Variants in GNAI3 observed in about 807,000 individuals in gnomAD.
GNAI3 encodes the protein guanine nucleotide-binding protein G(i) subunit alpha-3.
A neutral mutation model predicts 41.8 loss-of-function variants in GNAI3; 12 were observed. The observed-to-expected ratio is 0.29, with a 90% CI of 0.18 to 0.47. The LOEUF (loss-of-function observed/expected upper bound fraction) is 0.47. GNAI3 is among the 20% of genes least tolerant of loss of function. GNAI3 has a pLI of 1.00. For missense variants in GNAI3, 360 were observed against 429.6 expected, an observed-to-expected ratio of 0.84 and a Z score of 1.43; for synonymous variants, 132 against 146.5, an observed-to-expected ratio of 0.90 and a Z score of 0.71.
intron 1 of GNAI3, among the ~76,000 whole-genome samples, chr1:109,570,718 T>G (rs2101098765): frequency 6.6e-6 from 1 of 152,308 alleles, no homozygotes; most frequent in East Asian, 1.9e-4. Flanking sequence ...AGAATGCTGG[T>G]CTGACAAGAG....
At chr1:109,581,261 A>G (rs978594910) in intron 4 of GNAI3, among the ~76,000 whole-genome samples, 1 of 151,686 alleles carries the variant, frequency 6.6e-6, no homozygotes, top group Non-Finnish European at 1.5e-5. Context: ...GGTATTTACA[A>G]TTTGTTTTTG....
chr1:109,580,438 T>C (rs1648863952), intron 4 of GNAI3, among the ~76,000 whole-genome samples: 1 of 152,206 alleles, frequency 6.6e-6, no homozygotes, highest in Admixed American at 6.5e-5. Context: ...TTTCACGTCA[T>C]GATTCTAGCT....
chr1:109,577,698 A>G (rs552597109), intron 3 of GNAI3, among the ~76,000 whole-genome samples: 1 of 152,348 alleles, frequency 6.6e-6, no homozygotes, highest in South Asian at 2.1e-4. Context: ...GGAAAGGATC[A>G]TAAAGGAGGA....
chr1:109,577,402 G>A lies in GNAI3; in HGVS notation c.304-1802G>A, dbSNP rs371459055. ...AGCAATTCTCCTGCCTCAAACTCCC[G>A]AGTAGCTGGGACTACAGGCACACGC... is the stretch of plus-strand genomic sequence containing the variant. On this transcript the variant is annotated intron_variant, in intron 3 of 8. Transcript: ENST00000369851. 2.0e-5 allele frequency among the ~76,000 whole-genome samples: 3 copies of A among 150,824 alleles called. No individual in the cohort carries two copies. In the South Asian group the frequency reaches 6.3e-4, roughly 32 times the overall value.
At chr1:109,583,420 G>A (rs1648946827) in intron 5 of GNAI3, among the ~76,000 whole-genome samples, 1 of 151,978 alleles carries the variant, frequency 6.6e-6, no homozygotes, top group African/African-American at 2.4e-5. Context: ...TCTCTTTATT[G>A]CCCAGGCTGG....
At chr1:109,581,672 G>A (rs1395683648) in intron 4 of GNAI3, among the ~76,000 whole-genome samples, 3 of 152,126 alleles carry the variant, frequency 2.0e-5, no homozygotes, top group Non-Finnish European at 4.4e-5. Context: ...CGAATCACCT[G>A]AGGTCAGGAG....
chr1:109,578,021 T>A (rs1195135992), intron 3 of GNAI3, among the ~76,000 whole-genome samples: 3 of 152,228 alleles, frequency 2.0e-5, no homozygotes, highest in Non-Finnish European at 4.4e-5. Context: ...AGATAAATAT[T>A]AGATGTGGAT....
At chr1:109,563,189 C>G (rs1483980983) in intron 1 of GNAI3, among the ~76,000 whole-genome samples, 3 of 152,148 alleles carry the variant, frequency 2.0e-5, no homozygotes, top group Non-Finnish European at 4.4e-5. Context: ...CGAGACTAGC[C>G]TGGGCAACGT....
rs557956908 is a variant in GNAI3 at position 109,599,858 on chromosome 1, G to C, written c.*7536G>C. 1 of 152,274 alleles carries C rather than the reference G, an allele frequency of 6.6e-6. No individual in the cohort carries two copies. Among genetic ancestry groups the C allele is most frequent in the South Asian group, 2.1e-4 (1 of 4,822 alleles). 9.4% of individuals were successfully genotyped at this position (152,274 alleles called of 1,614,324 possible). ...AGGAGCTTAGAAGAACAAGAAATTG[G>C]CTTTGATTTTATAGTGTATGGTGCT... On this transcript the variant is annotated 3_prime_UTR_variant, in exon 9 of 9. Coordinates refer to ENST00000369851, the MANE Select transcript of GNAI3 (RefSeq NM_006496.4).
chr1:109,574,530 A>G (rs1307802778), intron 3 of GNAI3, among the ~76,000 whole-genome samples: 1 of 152,192 alleles, frequency 6.6e-6, no homozygotes. Context: ...ACCTAAGGCT[A>G]TAGAATTGGA....
chr1:109,557,685 T>G (rs1418160729), intron 1 of GNAI3, among the ~76,000 whole-genome samples: 2 of 152,174 alleles, frequency 1.3e-5, no homozygotes. Flanking sequence ...TGACATCTTC[T>G]GTGGCTCACG....
intron 1 of GNAI3, among the ~76,000 whole-genome samples, chr1:109,569,279 C>A (rs1268965184): frequency 1.3e-5 from 2 of 152,196 alleles, no homozygotes; most frequent in African/African-American, 4.8e-5. Context: ...ATACAGAGTC[C>A]TCTTCAGTTC....
intron 7 of GNAI3, 129 bp downstream of exon 7, chr1:109,587,011 G>T: frequency 1.6e-6 from 1 of 638,756 alleles, no homozygotes; most frequent in Non-Finnish European, 2.8e-6. Context: ...AGTGGCATTG[G>T]CATTAAGCCT....
intron 5 of GNAI3, among the ~76,000 whole-genome samples, chr1:109,585,038 A>G (rs1396898980): frequency 2.0e-5 from 3 of 152,252 alleles, no homozygotes; most frequent in African/African-American, 7.2e-5. Context: ...CCTTTCAAGC[A>G]TACATTGAGA....
chr1:109,563,669 T>G (rs1203074319), intron 1 of GNAI3, among the ~76,000 whole-genome samples: 2 of 152,208 alleles, frequency 1.3e-5, no homozygotes, highest in African/African-American at 4.8e-5. Context: ...AGGATTATTG[T>G]CCATGTATGT....
Position 109,573,947 on chromosome 1 carries a change from A to T in GNAI3, c.213A>T (p.Val71=). The change falls in exon 3 of 9, where the codon GTA becomes GTT. Residue 71 remains valine, a synonymous_variant. Transcript: ENST00000369851. The part of the protein sequence containing the change: ...YSEDECKQYK[V]VVYSNTIQSI... Reference sequence around the variant, plus strand: ...AGGATGAATGTAAACAATATAAAGTAGTTGTCTACAGCAATACTATACAGT... The same window carrying T: ...AGGATGAATGTAAACAATATAAAGTTGTTGTCTACAGCAATACTATACAGT... The T allele has an allele frequency of 6.3e-7, 1 of 1,599,640 alleles. No individual in the cohort carries two copies. Among genetic ancestry groups the T allele is most frequent in the South Asian group, 1.1e-5 (1 of 90,690 alleles).
At position 109,560,152 on chromosome 1, in the gene GNAI3, T is replaced by G. The variant is rs371798001; in HGVS notation, c.118+11314T>G. Among the ~76,000 whole-genome samples the G allele has an allele frequency of 3.7e-4, 56 of 152,344 alleles. No individual in the cohort carries two copies. The South Asian group carries it at 0.012, about 32-fold the overall frequency. On this transcript the variant is annotated intron_variant, in intron 1 of 8. Transcript: ENST00000369851. The stretch of plus-strand genomic sequence containing the variant: ...AGATACCTAAAAGTTTAAGAAAGAT[T>G]GTTAAGGATTAGCTGAGATGTTACT...
intron 1 of GNAI3, among the ~76,000 whole-genome samples, chr1:109,553,156 A>G (rs1648034862): frequency 6.6e-6 from 1 of 152,154 alleles, no homozygotes. Context: ...TTTTCATATT[A>G]ATATACTATT....
chr1:109,552,179 A>G (rs1647998591), intron 1 of GNAI3, among the ~76,000 whole-genome samples: 1 of 151,738 alleles, frequency 6.6e-6, no homozygotes, highest in Non-Finnish European at 1.5e-5. Flanking sequence ...AAAAAAAAAT[A>G]AAGTGTTCTT....
Sources: allele counts gnomAD v4.1 joint callset (sites outside exome capture counted in the v4.1 genomes callset), GRCh38; gene constraint gnomAD v4.1.1; transcripts MANE v1.5; gene names NCBI Gene and HGNC (gene_info 2026-07-23, HGNC 2026-07-21).